Variants in HVCN1 observed in about 807,000 individuals in gnomAD.
HVCN1 encodes voltage-gated hydrogen channel 1.
Under a neutral mutation model 29.2 loss-of-function variants are expected in HVCN1, and 14 were observed. The observed-to-expected ratio is 0.48, with a 90% CI of 0.32 to 0.75. HVCN1 has a LOEUF of 0.75. Among genes scored for constraint, HVCN1 ranks in the 30% least tolerant of loss-of-function variants. The probability of loss-of-function intolerance (pLI) is 0.04; values close to 1 mark genes in which losing one functional copy is unlikely to be tolerated. For missense variants in HVCN1, 263 were observed against 341.8 expected, an observed-to-expected ratio of 0.77 and a Z score of 1.82; for synonymous variants, 131 against 133.2, an observed-to-expected ratio of 0.98 and a Z score of 0.11.
At chr12:110,695,226 TAGTG>T (rs1311015470) in intron 2 of HVCN1, among the ~76,000 whole-genome samples, 11 of 152,064 alleles carry the variant, frequency 7.2e-5, no homozygotes, top group Admixed American at 7.2e-4. Context: ...CTGGGAAACA[TAGTG>T]AGACTCTGTC....
At chr12:110,687,334 G>C (rs1357422182) in intron 2 of HVCN1, among the ~76,000 whole-genome samples, 1 of 151,332 alleles carries the variant, frequency 6.6e-6, no homozygotes, top group Admixed American at 6.6e-5. Context: ...GTCTCCTTAA[G>C]TGGGGTGGTC....
At chr12:110,687,747 T>G (rs1593538886) in intron 2 of HVCN1, among the ~76,000 whole-genome samples, 1 of 151,728 alleles carries the variant, frequency 6.6e-6, no homozygotes, top group South Asian at 2.1e-4. Context: ...AGGAGCGGGG[T>G]GGTGGATGAC....
chr12:110,678,145 T>C (rs534694053), intron 3 of HVCN1, among the ~76,000 whole-genome samples: 2 of 152,336 alleles, frequency 1.3e-5, no homozygotes, highest in South Asian at 2.1e-4. Context: ...GAGAGGCCAG[T>C]GACTTGCCCC....
At chr12:110,670,286 G>T (rs1185291255) in intron 3 of HVCN1, among the ~76,000 whole-genome samples, 1 of 152,082 alleles carries the variant, frequency 6.6e-6, no homozygotes, top group African/African-American at 2.4e-5. Flanking sequence ...TCTGACAATC[G>T]GAGAAAAAGG....
At chr12:110,656,357 G>A (rs1483703097) in intron 4 of HVCN1, among the ~76,000 whole-genome samples, 7 of 152,198 alleles carry the variant, frequency 4.6e-5, no homozygotes, top group African/African-American at 1.7e-4. Flanking sequence ...GCAGTGTGGA[G>A]TGGGTGGGTG....
upstream of HVCN1, among the ~76,000 whole-genome samples, chr12:110,691,237 G>A (rs149193446): frequency 0.014 from 2,071 of 151,748 alleles, 23 homozygotes; most frequent in Middle Eastern, 0.027. Context: ...TAAATGTTTT[G>A]TATTTTTAGT....
intron 2 of HVCN1, among the ~76,000 whole-genome samples, chr12:110,687,260 C>G (rs908218752): frequency 2.4e-5 from 3 of 125,092 alleles, no homozygotes; most frequent in African/African-American, 6.0e-5. Flanking sequence ...AGACCACACC[C>G]CCCCCCCCCA....
intron 2 of HVCN1, among the ~76,000 whole-genome samples, chr12:110,686,511 G>A (rs1040988357): frequency 9.9e-5 from 15 of 152,064 alleles, no homozygotes; most frequent in Non-Finnish European, 1.9e-4. Context: ...CACGAGAGGG[G>A]CTCAAGTGGA....
chr12:110,674,258 C>T (rs1209864738), intron 3 of HVCN1, among the ~76,000 whole-genome samples: 2 of 152,252 alleles, frequency 1.3e-5, no homozygotes, highest in South Asian at 2.1e-4. Context: ...TTAATTTCTC[C>T]CATTAGGAAC....
upstream of HVCN1, among the ~76,000 whole-genome samples, chr12:110,690,431 T>A (rs1209254970): frequency 6.6e-6 from 1 of 152,222 alleles, no homozygotes; most frequent in Non-Finnish European, 1.5e-5. Context: ...TATTGTCTGC[T>A]TCAACTGACT....
At position 110,651,286 on chromosome 12, in the gene HVCN1, C is replaced by T; in HGVS notation, c.574G>A (p.Glu192Lys). Residue 192 changes from glutamate (E) to lysine (K), a missense_variant, in exon 6 of 8, where the codon GAG (glutamate) becomes AAG (lysine). Glu to Lys is a moderately conservative substitution (Grantham distance 56). Around this residue, in one of 3 missense-constraint regions of HVCN1, gnomAD observed 55 missense variants for 109.4 expected, o/e 0.50. Transcript: ENST00000242607. ...FILDIVLLFQ[E>K]HQFEALGLLI... ...AGGCCCAGAGCCTCAAACTGGTGCT[C>T]CTGGAACAGGAGGACAATGTCGAGG... The T allele has an allele frequency of 6.2e-7, 1 of 1,614,098 alleles. No individual in the cohort carries two copies. The highest frequency in any genetic ancestry group is 8.5e-7 in the Non-Finnish European group (1 of 1,180,020).
intron 2 of HVCN1, among the ~76,000 whole-genome samples, chr12:110,687,288 C>T (rs764508609): frequency 4.8e-4 from 72 of 150,682 alleles, no homozygotes; most frequent in Non-Finnish European, 9.3e-4. Context: ...ACTGGGAAGC[C>T]AGCCAGCCAG....
intron 3 of HVCN1, among the ~76,000 whole-genome samples, chr12:110,665,513 G>A (rs1267536859): frequency 1.3e-5 from 2 of 150,352 alleles, no homozygotes; most frequent in African/African-American, 4.9e-5. Context: ...CCGAGATCAT[G>A]CCATTGCACT....
rs149357113 is a variant in HVCN1 at position 110,661,265 on chromosome 12, C to G, written c.205G>C (p.Ala69Pro). 2.8e-4 allele frequency: 459 copies of G among 1,614,216 alleles called. 2 individuals are homozygous for G. In the African/African-American group the frequency reaches 5.4e-3, roughly 19 times the overall value. ...PTPVSGEEGR[A>P]AAPDVAPAPG... ...GCAGGGGCAACGTCAGGGGCTGCAG[C>G]TCTGCCTTCCTCGCCTGAGACTGGT... The change falls in exon 4 of 8, where the codon GCT (alanine) becomes CCT (proline). Residue 69 changes from alanine to proline, a missense_variant. By Grantham distance (27) the Ala-to-Pro change is conservative. Coordinates refer to ENST00000242607, the MANE Select transcript of HVCN1 (RefSeq NM_032369.4). This position sits in a 1 kb window ranked among gnomAD's most constrained non-coding sequence, Gnocchi z 6.2.
chr12:110,651,213 G>C lies in HVCN1; in HGVS notation c.643+4C>G. ...TCCACAGCCTGGGAGTGCAGGAGAC[G>C]TACCATTGATGATCCGGGCCACCCG... On this transcript the variant is annotated splice_donor_region_variant and intron_variant, in intron 6 of 7. Transcript: ENST00000242607. 1 of 1,604,156 alleles carries C rather than the reference G, an allele frequency of 6.2e-7. No individual in the cohort carries two copies. Among genetic ancestry groups the C allele is most frequent in the Non-Finnish European group, 8.5e-7 (1 of 1,171,124 alleles).
At chr12:110,663,587 C>CAAAAAAAA (rs1182792368) in intron 3 of HVCN1, among the ~76,000 whole-genome samples, 7 of 25,820 alleles carry the variant, frequency 2.7e-4, no homozygotes, top group East Asian at 1.7e-3. Context: ...GACGCTGTCT[C>CAAAAAAAA]AAAAAAAAAA....
chr12:110,671,394 C>A (rs2068572144), intron 3 of HVCN1, among the ~76,000 whole-genome samples: 1 of 152,142 alleles, frequency 6.6e-6, no homozygotes, highest in Admixed American at 6.6e-5. Flanking sequence ...AATGATACGT[C>A]CACAAGCCAA....
Position 110,649,047 on chromosome 12 carries a change from C to T in HVCN1, c.*363G>A, listed in dbSNP as rs1247284869. ...GCTTCTTTTTCTTTCTTTCAGAATG[C>T]TCAGATGCATCAGTTCCTTAATATA... On this transcript the variant is annotated 3_prime_UTR_variant, in exon 8 of 8. Coordinates refer to ENST00000242607, the MANE Select transcript of HVCN1 (RefSeq NM_032369.4). 3 of 519,584 alleles carry T rather than the reference C, an allele frequency of 5.8e-6. No homozygotes were observed. In the East Asian group the frequency reaches 1.5e-4, roughly 26 times the overall value. 32.2% of individuals were successfully genotyped at this position (519,584 alleles called of 1,614,324 possible). A position where few individuals can be genotyped will look rare whatever the true frequency, so the allele number is the denominator to read the frequency against.
intron 3 of HVCN1, among the ~76,000 whole-genome samples, chr12:110,673,316 G>A (rs111316007): frequency 2.6e-5 from 4 of 152,192 alleles, no homozygotes; most frequent in African/African-American, 9.7e-5. Context: ...ATGATTTAGG[G>A]TATCTGGCAG....
Sources: gnomAD v4.1 joint callset for allele counts (sites outside exome capture counted in the v4.1 genomes callset) on GRCh38, gnomAD v4.1.1 for gene constraint, gnomAD v4.1.1 regional missense constraint, Gnocchi (gnomAD v3.1) non-coding constraint, MANE v1.5 for transcripts, NCBI Gene and HGNC (gene_info 2026-07-23, HGNC 2026-07-21) for gene names.